AGBL1: variants seen among roughly 807,000 people sequenced by gnomAD.
AGBL1 encodes cytosolic carboxypeptidase 4.
AGBL1 carries 130 observed loss-of-function variants against 118.9 expected under a neutral mutation model. That is an observed-to-expected ratio of 1.09 (90% CI 0.95 to 1.26). The LOEUF (loss-of-function observed/expected upper bound fraction) is 1.26, where lower values mean the gene tolerates loss of function less well. AGBL1 is among the 50% of genes most tolerant of loss of function. AGBL1 has a pLI of 0.00. For synonymous variants in AGBL1, 555 were observed against 478.9 expected (o/e 1.16, Z -2.08); for missense variants, 1,584 against 1,298.1 (o/e 1.22, Z -3.38).
intron 18 of AGBL1, among the ~76,000 whole-genome samples, chr15:86,419,255 G>A (rs2081749847): frequency 6.6e-6 from 1 of 151,986 alleles, no homozygotes; most frequent in South Asian, 2.1e-4. Flanking sequence ...TCCAACCGAG[G>A]TACCTAGCTC....
At chr15:86,527,087 T>C (rs2083278519) in intron 19 of AGBL1, among the ~76,000 whole-genome samples, 1 of 152,218 alleles carries the variant, frequency 6.6e-6, no homozygotes, top group Non-Finnish European at 1.5e-5. Context: ...TAGAAGGCAC[T>C]GTAATCTCTG....
At chr15:86,712,210 A>G (rs1231523815) in intron 22 of AGBL1, among the ~76,000 whole-genome samples, 2 of 152,166 alleles carry the variant, frequency 1.3e-5, no homozygotes, top group East Asian at 1.9e-4. Context: ...TTCCTTGTTT[A>G]TCATGGATTT....
intron 23 of AGBL1, among the ~76,000 whole-genome samples, chr15:86,943,769 C>A (rs150898639): frequency 3.5e-4 from 53 of 152,286 alleles, no homozygotes; most frequent in African/African-American, 1.3e-3. Flanking sequence ...TTTTAGCTTG[C>A]TTATCTATGC....
intron 3 of AGBL1, among the ~76,000 whole-genome samples, chr15:86,153,851 T>A (rs1414573695): frequency 1.3e-5 from 2 of 152,158 alleles, no homozygotes; most frequent in Non-Finnish European, 2.9e-5. Context: ...TTAAGAGAAA[T>A]TGCAGGTTAG....
intron 22 of AGBL1, among the ~76,000 whole-genome samples, chr15:86,735,498 CATCT>C (rs559454675): frequency 0.033 from 4,952 of 151,452 alleles, 133 homozygotes; most frequent in Middle Eastern, 0.079. Flanking sequence ...ATCATTAGAA[CATCT>C]ATCTATCTAT....
rs185042021 is a variant in AGBL1, at chr15:86,823,333, A to G, written c.3159-83754A>G. On this transcript the variant is annotated intron_variant, in intron 22 of 22. Transcript: ENST00000614907. ...TATGTCTGAGAATCTTTAATCCCCA[A>G]ATTCTCTTGAGTTCCTCAGGCCAGT... Among the ~76,000 whole-genome samples the G allele has an allele frequency of 1.3e-3, 201 of 152,234 alleles. 1 individual carries two copies. Among genetic ancestry groups the G allele is most frequent in the African/African-American group, 4.2e-3 (175 of 41,558 alleles).
intron 5 of AGBL1, among the ~76,000 whole-genome samples, chr15:86,159,703 A>C (rs1023948201): frequency 2.8e-4 from 43 of 152,132 alleles, no homozygotes; most frequent in African/African-American, 1.0e-3. Flanking sequence ...TGACTCAGCG[A>C]GGACCTTGAA....
At chr15:87,016,805 G>A (rs145549833) in intron 24 of AGBL1, among the ~76,000 whole-genome samples, 142 of 152,230 alleles carry the variant, frequency 9.3e-4, no homozygotes, top group African/African-American at 3.3e-3. Context: ...GGGAAATCAT[G>A]CTTCTCCCAC....
chr15:86,965,193 T>C (rs1002816034), intron 23 of AGBL1, among the ~76,000 whole-genome samples: 1 of 152,134 alleles, frequency 6.6e-6, no homozygotes, highest in African/African-American at 2.4e-5. Flanking sequence ...TCTAGATCCT[T>C]GAGGAATCGC....
At chr15:86,841,067 C>G (rs771267557) in intron 22 of AGBL1, among the ~76,000 whole-genome samples, 3 of 152,184 alleles carry the variant, frequency 2.0e-5, no homozygotes, top group African/African-American at 7.2e-5. Context: ...GGTTCTAGGA[C>G]AAGCCCAGCG....
At chr15:86,918,140 T>C (rs111697604), downstream of AGBL1, among the ~76,000 whole-genome samples, 1 of 152,244 alleles carries the variant, frequency 6.6e-6, no homozygotes, top group Non-Finnish European at 1.5e-5. Flanking sequence ...TTCATGAATA[T>C]GATGGTAATG....
At chr15:86,275,722 T>G (rs898519987) in intron 15 of AGBL1, among the ~76,000 whole-genome samples, 1 of 152,224 alleles carries the variant, frequency 6.6e-6, no homozygotes, top group Admixed American at 6.5e-5. Context: ...GTGAAGTTGC[T>G]GGATGTACCC....
intron 18 of AGBL1, among the ~76,000 whole-genome samples, chr15:86,404,069 G>A (rs1215843685): frequency 6.6e-6 from 1 of 152,104 alleles, no homozygotes; most frequent in Non-Finnish European, 1.5e-5. Context: ...TGGTCTATCA[G>A]GTCTTCCCAA....
At chr15:86,816,863 T>C (rs2078864502) in intron 22 of AGBL1, among the ~76,000 whole-genome samples, 1 of 152,192 alleles carries the variant, frequency 6.6e-6, no homozygotes, top group African/African-American at 2.4e-5. Context: ...AATATTTTTT[T>C]TCCTTAGGTC....
intron 19 of AGBL1, among the ~76,000 whole-genome samples, chr15:86,536,313 T>C (rs2083425377): frequency 6.6e-6 from 1 of 152,122 alleles, no homozygotes; most frequent in African/African-American, 2.4e-5. Context: ...GGGATATTCT[T>C]TTTTGTTTGT....
intron 17 of AGBL1, among the ~76,000 whole-genome samples, chr15:86,354,775 C>G (rs553134655): frequency 6.6e-6 from 1 of 152,004 alleles, no homozygotes; most frequent in Non-Finnish European, 1.5e-5. Flanking sequence ...ATTAAGGTTA[C>G]AAATCTTAAA....
intron 18 of AGBL1, among the ~76,000 whole-genome samples, chr15:86,521,531 C>G (rs1442422525): frequency 6.6e-6 from 1 of 152,054 alleles, no homozygotes; most frequent in Admixed American, 6.5e-5. Flanking sequence ...AAGGGGGCCT[C>G]AGGATGTTAT....
At chr15:86,931,613 GC>G (rs1223693902) in intron 23 of AGBL1, among the ~76,000 whole-genome samples, 3 of 137,722 alleles carry the variant, frequency 2.2e-5, no homozygotes, top group African/African-American at 7.9e-5. Context: ...TGCTGCTGCT[GC>G]TGGTTGTTGT....
intron 5 of AGBL1, among the ~76,000 whole-genome samples, chr15:86,210,948 G>T (rs1468412715): frequency 6.6e-6 from 1 of 152,188 alleles, no homozygotes; most frequent in Non-Finnish European, 1.5e-5. Flanking sequence ...CCCCTTCTTT[G>T]TGGTTTTTTC....
Sources: allele counts gnomAD v4.1 joint callset (sites outside exome capture counted in the v4.1 genomes callset), GRCh38; gene constraint gnomAD v4.1.1; transcripts MANE v1.5; gene names NCBI Gene and HGNC (gene_info 2026-07-23, HGNC 2026-07-21).